The following BCAN variants were observed in gnomAD, a reference collection of about 807,000 sequenced individuals.
BCAN encodes the protein brevican, also known as brevican core protein.
In BCAN, 51 loss-of-function variants were observed where a neutral mutation model predicts 92.4. The observed-to-expected ratio is 0.55, with a 90% CI of 0.44 to 0.70. BCAN has a LOEUF of 0.70. Among genes scored for constraint, BCAN ranks in the 30% least tolerant of loss-of-function variants. BCAN has a pLI of 0.00. For synonymous variants in BCAN, 501 were observed against 505.2 expected (o/e 0.99, Z 0.11); for missense variants, 1,140 against 1,212.1 (o/e 0.94, Z 0.88).
intron 1 of BCAN, among the ~76,000 whole-genome samples, chr1:156,645,474 G>T (rs115764519): frequency 0.012 from 1,827 of 152,270 alleles, 46 homozygotes; most frequent in African/African-American, 0.042. Flanking sequence ...GTGCTTACTT[G>T]CGTTCGGTCT....
Position 156,648,845 on chromosome 1 carries a change from CG to C in BCAN, c.1048del (p.Val350SerfsTer28). 6.4e-7 allele frequency: 1 copy of C among 1,568,892 alleles called. No individual in the cohort carries two copies. The highest frequency in any genetic ancestry group is 8.7e-7 in the Non-Finnish European group (1 of 1,149,178). On this transcript the variant is annotated frameshift_variant, in exon 6 of 14. Coordinates refer to ENST00000329117, the MANE Select transcript of BCAN (RefSeq NM_021948.5). LOFTEE classifies it high-confidence loss of function. ...TCCCCAATAAGCACAGCCGCTTCAA[CG>C]TCTACTGCTTCCGAGGTGAGCCCAC... Reference protein sequence around the residue: ...GFPNKHSRFNVYCFRDSAQPS... With the variant: ...GFPNKHSRFNXYCFRDSAQPS...
chr1:156,653,629 C>T lies in BCAN; in HGVS notation c.1942+737C>T, dbSNP rs191404528. Among the ~76,000 whole-genome samples, 144 of 152,208 alleles carry T rather than the reference C, an allele frequency of 9.5e-4. 1 individual carries two copies. The highest frequency in any genetic ancestry group is 3.3e-3 in the African/African-American group (136 of 41,506). On this transcript the variant is annotated intron_variant, in intron 8 of 13. Transcript: ENST00000329117. ...TCTTCCTTTTTCATTTTCGGCTTCT[C>T]CCCTTGTCTGTCCTGGCAGTCTAAC...
Position 156,658,131 on chromosome 1 carries a change from AT to A in BCAN, c.2298del (p.Tyr766Ter). 1 of 1,613,474 alleles carries A rather than the reference AT, an allele frequency of 6.2e-7. No homozygotes were observed. Among genetic ancestry groups the A allele is most frequent in the South Asian group, 1.1e-5 (1 of 91,036 alleles). On this transcript the variant is annotated frameshift_variant, in exon 12 of 14. Coordinates refer to ENST00000329117, the MANE Select transcript of BCAN (RefSeq NM_021948.5). LOFTEE classifies it high-confidence loss of function. The surrounding 1 kb of genome is among the most constrained non-coding windows in gnomAD (Gnocchi z 4.4). ...FLWSDGVPLLYENWNPGQPDS... is the reference protein window; with the variant it reads ...FLWSDGVPLLXENWNPGQPDS... ...CCACCTCCTCCGTTCCCCCAGCTCT[AT>A]GAGAACTGGAACCCTGGGCAGCCTG... is the stretch of plus-strand genomic sequence containing the variant.
rs114326306 is a variant in BCAN at position 156,651,696 on chromosome 1, C to T, written c.1297+7C>T. 6,429 of 1,597,920 alleles carry T rather than the reference C, an allele frequency of 4.0e-3. 17 individuals are homozygous for T. Among genetic ancestry groups the T allele is most frequent in the Non-Finnish European group, 4.7e-3 (5,543 of 1,172,264 alleles). On this transcript the variant is annotated splice_region_variant and intron_variant, in intron 7 of 13. Transcript: ENST00000329117. ...GCCCCTAGGACGCTCCTAGGTAAGT[C>T]GGATCCCTTATCCTAAGGATGTCTT...
rs564334520 is a variant in BCAN, at chr1:156,646,198, C to G, written c.91+53C>G. 83 of 1,550,890 alleles carry G rather than the reference C, an allele frequency of 5.4e-5. 1 individual carries two copies. In the East Asian group the frequency reaches 1.9e-3, roughly 35 times the overall value. ...CTCTGTCTTGTTCAGCCCTAACCAA[C>G]TGCTTCCAGGCTTAGGGGCCCCAGG... On this transcript the variant is annotated intron_variant, in intron 2 of 13. Transcript: ENST00000329117.
At chr1:156,649,930 A>T (rs757327619) in intron 6 of BCAN, 1 of 518,884 alleles carries the variant, frequency 1.9e-6, no homozygotes, top group African/African-American at 1.9e-5. Context: ...AAGGATGAAG[A>T]CACAGCTTTT....
rs139452972 is a variant in BCAN, at chr1:156,649,397, A to G, written c.1063+536A>G. Among the ~76,000 whole-genome samples, 975 of 152,190 alleles carry G rather than the reference A, an allele frequency of 6.4e-3. 14 individuals carry two copies. The highest frequency in any genetic ancestry group is 0.022 in the African/African-American group (915 of 41,522). ...GGAATAGAGATAGCTTTCTGCCCAC[A>G]TCTTATGGCTTGTTTCTTTTTTTGA... On this transcript the variant is annotated intron_variant, in intron 6 of 13. Transcript: ENST00000329117.
chr1:156,643,252 C>CATTTCAG (rs1678847660), intron 1 of BCAN: 1 of 152,248 alleles, frequency 6.6e-6, no homozygotes, highest in East Asian at 1.9e-4. Context: ...GCATCATCCA[C>CATTTCAG]ATTTCAGATT....
chr1:156,657,341 C>T, intron 10 of BCAN: 2 of 614,724 alleles, frequency 3.3e-6, no homozygotes, highest in South Asian at 4.8e-5. Context: ...GGCCGGGCCG[C>T]CGTGCAGGGG....
Position 156,647,842 on chromosome 1 carries a change from G to T in BCAN, c.642-141G>T. The T allele has an allele frequency of 6.5e-7, 1 of 1,534,400 alleles. No homozygotes were observed. Among genetic ancestry groups the T allele is most frequent in the Non-Finnish European group, 9.0e-7 (1 of 1,110,988 alleles). On this transcript the variant is annotated intron_variant, in intron 4 of 13. Coordinates refer to ENST00000329117, the MANE Select transcript of BCAN (RefSeq NM_021948.5). The surrounding 1 kb of genome is among the most constrained non-coding windows in gnomAD (Gnocchi z 4.8). ...GAGGGGAGGTGAGGACCCTGAGCAT[G>T]TGCATCCCTGCAGTGCTAGAAGGAC...
In BCAN at chr1:156,647,669, GA is replaced by G; in HGVS notation, c.629del (p.Asp210ValfsTer4). 6.3e-7 allele frequency: 1 copy of G among 1,594,684 alleles called. No individual in the cohort carries two copies. The highest frequency in any genetic ancestry group is 1.1e-5 in the South Asian group (1 of 88,444). On this transcript the variant is annotated frameshift_variant, in exon 4 of 14. Transcript: ENST00000329117. LOFTEE classifies it high-confidence loss of function. This position sits in a 1 kb window ranked among gnomAD's most constrained non-coding sequence, Gnocchi z 4.8. Reference protein sequence around the residue: ...YEQCDAGWLSDQTVRYPIQTP... With the variant: ...YEQCDAGWLSXQTVRYPIQTP... Reference sequence around the variant, plus strand: ...GCAATGTGATGCTGGCTGGCTGTCGGATCAGACCGTGAGGTGGGCAGGGGCT... The same window carrying G: ...GCAATGTGATGCTGGCTGGCTGTCGGTCAGACCGTGAGGTGGGCAGGGGCT...
chr1:156,656,769 C>T lies in BCAN; in HGVS notation c.2051-169C>T, dbSNP rs1679344274. The T allele has an allele frequency of 3.2e-6, 3 of 926,426 alleles. No homozygotes were observed. The South Asian group carries it at 6.0e-5, about 18-fold the overall frequency. 57.4% of individuals were successfully genotyped at this position (926,426 alleles called of 1,614,324 possible). On this transcript the variant is annotated intron_variant, in intron 9 of 13. Transcript: ENST00000329117. Reference sequence around the variant, plus strand: ...CCAGCGCCCCTGCCCAAGAGCCCCTCCAGGCTCCTGCTACCCCCTCATTCT... The same window carrying T: ...CCAGCGCCCCTGCCCAAGAGCCCCTTCAGGCTCCTGCTACCCCCTCATTCT...
chr1:156,650,513 G>A (rs1679125783), intron 6 of BCAN, among the ~76,000 whole-genome samples: 1 of 152,196 alleles, frequency 6.6e-6, no homozygotes, highest in Non-Finnish European at 1.5e-5. Context: ...CTGGTTATTT[G>A]AAAGGAGTAG....
At chr1:156,657,612 G>C in intron 10 of BCAN, 63 bp from the exon 11 acceptor site, 1 of 1,427,860 alleles carries the variant, frequency 7.0e-7, no homozygotes, top group Non-Finnish European at 9.7e-7. Context: ...CAGACCGCCC[G>C]GGAGCGGGGA....
In BCAN at chr1:156,651,584, G is replaced by A; in HGVS notation, c.1192G>A (p.Glu398Lys). The change falls in exon 7 of 14, where the codon GAG becomes AAG. Residue 398 changes from glutamate (E) to lysine (K), a missense_variant. Physicochemically the swap from Glu to Lys is moderately conservative, Grantham distance 56. Coordinates refer to ENST00000329117, the MANE Select transcript of BCAN (RefSeq NM_021948.5). Reference protein sequence around the residue: ...EELQLPQEATESESRGAIYSI... With the variant: ...EELQLPQEATKSESRGAIYSI... Reference sequence around the variant, plus strand: ...ACTGCAGCTGCCTCAGGAAGCCACAGAGAGTGAATCCCGTGGGGCCATCTA... The same window carrying A: ...ACTGCAGCTGCCTCAGGAAGCCACAAAGAGTGAATCCCGTGGGGCCATCTA... 1 of 1,613,972 alleles carries A rather than the reference G, an allele frequency of 6.2e-7. No individual in the cohort carries two copies. The highest frequency in any genetic ancestry group is 8.5e-7 in the Non-Finnish European group (1 of 1,180,028).
At chr1:156,653,196 T>TCAGGC in intron 8 of BCAN, 1 of 1,359,960 alleles carries the variant, frequency 7.4e-7, no homozygotes, top group Non-Finnish European at 9.4e-7. Context: ...CAGAGCATCC[T>TCAGGC]CAGGCCTCTC....
In BCAN at chr1:156,646,571, G is replaced by A. The variant is rs143314472; in HGVS notation, c.92-230G>A. The A allele has an allele frequency of 1.5e-3, 959 of 658,078 alleles. 10 individuals are homozygous for A. The highest frequency in any genetic ancestry group is 0.015 in the African/African-American group (772 of 53,220). The allele number at this position is 658,078 out of a possible 1,614,324, so 40.8% of individuals were successfully genotyped here. A position where few individuals can be genotyped will look rare whatever the true frequency, so the allele number is the denominator to read the frequency against. ...AGCAGGGCAAGGAATCCTGGGGGCT[G>A]AATTGACTGGGAGACTTTGGGGGAT... On this transcript the variant is annotated intron_variant, in intron 2 of 13. Transcript: ENST00000329117.
chr1:156,651,354 G>T lies in BCAN; in HGVS notation c.1064-102G>T, dbSNP rs1046232093. ...CTGGGCCCCAGTAGGTGCTCCACAG[G>T]GAAGATGTGAGAGAATTGAGAGAAT... On this transcript the variant is annotated intron_variant, in intron 6 of 13. Transcript: ENST00000329117. The T allele has an allele frequency of 4.5e-6, 5 of 1,112,276 alleles. No individual in the cohort carries two copies. The East Asian group carries it at 1.2e-4, about 26-fold the overall frequency. The allele number at this position is 1,112,276 out of a possible 1,614,324, so 68.9% of individuals were successfully genotyped here.
intron 8 of BCAN, chr1:156,653,558 T>C (rs1329265858): frequency 2.0e-6 from 2 of 981,734 alleles, no homozygotes; most frequent in Admixed American, 6.1e-5. Flanking sequence ...GGATGCTTCT[T>C]CTCTGGCTCC....
Sources: gnomAD v4.1 joint callset for allele counts (sites outside exome capture counted in the v4.1 genomes callset) on GRCh38, gnomAD v4.1.1 for gene constraint, Gnocchi (gnomAD v3.1) non-coding constraint, MANE v1.5 for transcripts, NCBI Gene and HGNC (gene_info 2026-07-23, HGNC 2026-07-21) for gene names.